FA2H: variants seen among roughly 807,000 people sequenced by gnomAD.
The protein encoded by FA2H is fatty acid alpha-hydroxylase.
Under a neutral mutation model 44.9 loss-of-function variants are expected in FA2H, and 22 were observed. The observed-to-expected ratio is 0.49, with a 90% CI of 0.35 to 0.70. The LOEUF (loss-of-function observed/expected upper bound fraction) is 0.70, where lower values mean the gene tolerates loss of function less well. Among genes scored for constraint, FA2H ranks in the 30% least tolerant of loss-of-function variants. The pLI is 0.01. For missense variants in FA2H, 501 were observed against 504.9 expected (o/e 0.99, Z 0.07); for synonymous variants, 243 against 213.2 (o/e 1.14, Z -1.22).
chr16:74,766,158 G>C (rs575868485), intron 1 of FA2H, among the ~76,000 whole-genome samples: 1 of 152,228 alleles, frequency 6.6e-6, no homozygotes, highest in South Asian at 2.1e-4. Flanking sequence ...AATTAGCTGG[G>C]CATAGTGGTG....
intron 2 of FA2H, among the ~76,000 whole-genome samples, chr16:74,734,907 G>C (rs777156084): frequency 6.6e-6 from 1 of 152,228 alleles, no homozygotes; most frequent in African/African-American, 2.4e-5. Context: ...CCAAACTCAG[G>C]CATATTGCCC....
In FA2H at chr16:74,730,292, C is replaced by T. The variant is rs549822015; in HGVS notation, c.364-2906G>A. 2.1e-4 allele frequency among the ~76,000 whole-genome samples: 32 copies of T among 152,224 alleles called. No homozygotes were observed. The South Asian group carries it at 6.4e-3, about 31-fold the overall frequency. ...GAACTTGGCAGGTCCCAGGTACTGG[C>T]TGCCTTCCTGTGGCAGGGGTGGGGG... On this transcript the variant is annotated intron_variant, in intron 2 of 6. Transcript: ENST00000219368.
intron 1 of FA2H, 131 bp from the exon 2 acceptor site, chr16:74,740,246 G>C: frequency 1.3e-6 from 1 of 747,920 alleles, no homozygotes; most frequent in Non-Finnish European, 2.4e-6. Flanking sequence ...TGGAGATCAA[G>C]GACGCTGGGT....
At chr16:74,719,390 G>A (rs752049238) in intron 4 of FA2H, among the ~76,000 whole-genome samples, 7 of 152,224 alleles carry the variant, frequency 4.6e-5, no homozygotes, top group Non-Finnish European at 1.0e-4. Context: ...CTGGCTGGAG[G>A]CCTGACATCC....
In FA2H at chr16:74,770,034, C is replaced by T. The variant is rs557049623; in HGVS notation, c.270+4452G>A. On this transcript the variant is annotated intron_variant, in intron 1 of 6. Transcript: ENST00000219368. ...GGAACAAACGGGTCCAGGCCTTCTC[C>T]CTGGGGGAAGGGCCAGGATGCTCCC... Among the ~76,000 whole-genome samples, 3 of 152,318 alleles carry T rather than the reference C, an allele frequency of 2.0e-5. No individual in the cohort carries two copies. The South Asian group carries it at 6.2e-4, about 32-fold the overall frequency.
At chr16:74,753,879 G>C (rs1962570087) in intron 1 of FA2H, among the ~76,000 whole-genome samples, 1 of 152,180 alleles carries the variant, frequency 6.6e-6, no homozygotes, top group Non-Finnish European at 1.5e-5. Flanking sequence ...TGTAGGTTTG[G>C]AGGGTGGCCT....
intron 5 of FA2H, 44 bp downstream of exon 5, chr16:74,718,944 G>C (rs200118098): frequency 3.1e-6 from 5 of 1,607,292 alleles, no homozygotes; most frequent in Non-Finnish European, 3.4e-6. Flanking sequence ...GGGCCCTCTC[G>C]GGCTGCACAT....
intron 2 of FA2H, among the ~76,000 whole-genome samples, chr16:74,734,964 G>C (rs1025283711): frequency 6.6e-6 from 1 of 152,260 alleles, no homozygotes; most frequent in African/African-American, 2.4e-5. Context: ...CCAGGCAGCC[G>C]GGGCTGCGGG....
intron 4 of FA2H, among the ~76,000 whole-genome samples, chr16:74,724,215 T>C (rs958930737): frequency 1.3e-5 from 2 of 152,178 alleles, no homozygotes; most frequent in African/African-American, 2.4e-5. Flanking sequence ...GCTCTCTTGT[T>C]GGTAAGGAAA....
At chr16:74,734,964 G>A (rs1025283711) in intron 2 of FA2H, among the ~76,000 whole-genome samples, 7 of 152,260 alleles carry the variant, frequency 4.6e-5, no homozygotes, top group African/African-American at 1.4e-4. Flanking sequence ...CCAGGCAGCC[G>A]GGGCTGCGGG....
chr16:74,720,180 C>CTTTTTTTTTTTTTTTTTT lies in FA2H; in HGVS notation c.614-1038_614-1021dup, dbSNP rs56341013. On this transcript the variant is annotated intron_variant, in intron 4 of 6. Coordinates refer to ENST00000219368, the MANE Select transcript of FA2H (RefSeq NM_024306.5). Reference sequence around the variant, plus strand: ...TTTGCTCCATATATTCATCCTCATCCTTTTTTTTTTTTTTTTTTTTTTTTT... The same window carrying CTTTTTTTTTTTTTTTTTT: ...TTTGCTCCATATATTCATCCTCATCCTTTTTTTTTTTTTTTTTTTTTTTTTTTTTTTTTTTTTTTTTTT... 3.8e-4 allele frequency among the ~76,000 whole-genome samples: 18 copies of CTTTTTTTTTTTTTTTTTT among 47,242 alleles called. 3 individuals carry two copies. The highest frequency in any genetic ancestry group is 6.8e-4 in the Admixed American group (2 of 2,926). The allele number at this position is 47,242 out of a possible 152,430, so 31.0% of individuals were successfully genotyped here. A position where few individuals can be genotyped will look rare whatever the true frequency, so the allele number is the denominator to read the frequency against.
In FA2H at chr16:74,735,394, C is replaced by A. The variant is rs186091080; in HGVS notation, c.363+4629G>T. Among the ~76,000 whole-genome samples, 7 of 152,332 alleles carry A rather than the reference C, an allele frequency of 4.6e-5. No individual in the cohort carries two copies. In the East Asian group the frequency reaches 5.8e-4, roughly 13 times the overall value. On this transcript the variant is annotated intron_variant, in intron 2 of 6. Transcript: ENST00000219368. ...GGTTCCGGATCACCTGCCTCCTCCC[C>A]CTGAGCCCTATGACCCTCCCGTCAC...
intron 6 of FA2H, among the ~76,000 whole-genome samples, chr16:74,715,832 T>TA (rs1555537221): frequency 1.8e-4 from 27 of 148,454 alleles, no homozygotes; most frequent in Middle Eastern, 3.4e-3. Context: ...TTTTTTTTTT[T>TA]ATAGACAGAG....
rs1485211772 is a variant in FA2H, at chr16:74,774,595, G to C, written c.161C>G (p.Ala54Gly). 6.5e-7 allele frequency: 1 copy of C among 1,526,732 alleles called. No homozygotes were observed. Among genetic ancestry groups the C allele is most frequent in the South Asian group, 1.2e-5 (1 of 81,906 alleles). The allele number at this position is 1,526,732 out of a possible 1,614,324, so 94.6% of individuals were successfully genotyped here. A position where few individuals can be genotyped will look rare whatever the true frequency, so the allele number is the denominator to read the frequency against. Residue 54 changes from alanine to glycine, a missense_variant, in exon 1 of 7, where the codon GCG becomes GGG. Transcript: ENST00000219368. ...PGGEQLLRAR[A>G]GQDISADLDG... Reference sequence around the variant, plus strand: ...CAGGTCGGCGCTGATGTCCTGGCCCGCCCTGGCCCGCAGCAGCTGCTCGCC... The same window carrying C: ...CAGGTCGGCGCTGATGTCCTGGCCCCCCCTGGCCCGCAGCAGCTGCTCGCC...
intron 2 of FA2H, 97 bp from the exon 3 acceptor site, chr16:74,727,483 CCT>C (rs1015302119): frequency 7.5e-7 from 1 of 1,339,300 alleles, no homozygotes; most frequent in African/African-American, 1.4e-5. Flanking sequence ...CCTGCTCCTA[CCT>C]CAGCTCCTGT....
intron 1 of FA2H, among the ~76,000 whole-genome samples, chr16:74,774,146 T>A (rs945436898): frequency 1.3e-5 from 2 of 150,620 alleles, no homozygotes; most frequent in Non-Finnish European, 3.0e-5. Context: ...CCGAGGCGTA[T>A]GGGGGGCTGG....
chr16:74,763,029 C>T (rs1037265231), intron 1 of FA2H, among the ~76,000 whole-genome samples: 10 of 152,150 alleles, frequency 6.6e-5, no homozygotes, highest in Non-Finnish European at 1.2e-4. Flanking sequence ...TGTTTGGGGG[C>T]AACACAGGAT....
At chr16:74,774,438 G>A (rs1373112084) in intron 1 of FA2H, 48 bp downstream of exon 1, 2 of 1,464,166 alleles carry the variant, frequency 1.4e-6, no homozygotes, top group Non-Finnish European at 1.8e-6. Context: ...GGGAGTGGAA[G>A]GCTGACGGAG....
intron 1 of FA2H, among the ~76,000 whole-genome samples, chr16:74,762,436 A>T (rs8048578): frequency 0.45 from 68,387 of 152,112 alleles, 16,293 homozygotes; most frequent in African/African-American, 0.54. Context: ...AACACTGCGA[A>T]CTTTAAGTCC....
Sources: allele counts gnomAD v4.1 joint callset (sites outside exome capture counted in the v4.1 genomes callset), GRCh38; gene constraint gnomAD v4.1.1; transcripts MANE v1.5; gene names NCBI Gene and HGNC (gene_info 2026-07-23, HGNC 2026-07-21).